Variants in BIRC6 observed in about 807,000 individuals in gnomAD.
The protein encoded by BIRC6 is dual E2 ubiquitin-conjugating enzyme/E3 ubiquitin-protein ligase BIRC6.
In BIRC6, 98 loss-of-function variants were observed where a neutral mutation model predicts 503.3. The observed-to-expected ratio is 0.19, with a 90% confidence interval of 0.17 to 0.23. The LOEUF is 0.23. Ranked by LOEUF, BIRC6 falls within the 10% of genes least tolerant of loss-of-function variation. The pLI is 1.00. For synonymous variants in BIRC6, 2,240 were observed against 2,078.7 expected, an observed-to-expected ratio of 1.08 and a Z score of -2.11; for missense variants, 5,360 against 5,806.0, an observed-to-expected ratio of 0.92 and a Z score of 2.50.
intron 65 of BIRC6, 97 bp from the exon 66 acceptor site, chr2:32,575,059 G>A (rs2060172453): frequency 1.5e-6 from 2 of 1,330,310 alleles, no homozygotes; most frequent in Non-Finnish European, 2.1e-6. Context: ...GGTCAGCTGT[G>A]GACCTTGGTA....
intron 65 of BIRC6, chr2:32,564,444 A>G (rs1228162406): frequency 2.0e-5 from 3 of 152,120 alleles, no homozygotes; most frequent in African/African-American, 4.8e-5. Flanking sequence ...ACAAATATCT[A>G]TTGGTGTTTC....
chr2:32,497,093 C>T (rs1261866412), intron 45 of BIRC6, among the ~76,000 whole-genome samples: 1 of 152,154 alleles, frequency 6.6e-6, no homozygotes, highest in Non-Finnish European at 1.5e-5. Flanking sequence ...TTATGAATGT[C>T]TCTGGATTTT....
chr2:32,435,329 C>A, intron 13 of BIRC6, 167 bp from the exon 14 acceptor site: 1 of 310,010 alleles, frequency 3.2e-6, no homozygotes, highest in Non-Finnish European at 4.7e-6. Context: ...TTCCTCCAAT[C>A]ATTTTATAGC....
intron 65 of BIRC6, chr2:32,574,746 G>A: frequency 3.8e-6 from 1 of 265,996 alleles, no homozygotes; most frequent in Non-Finnish European, 7.3e-6. Context: ...TGTTGTTCAA[G>A]GGTCAGCTGT....
intron 64 of BIRC6, 104 bp downstream of exon 64, chr2:32,548,118 C>A: frequency 9.6e-7 from 1 of 1,036,984 alleles, no homozygotes; most frequent in Non-Finnish European, 1.3e-6. Context: ...TATGTTTATG[C>A]CCACTTGTGG....
chr2:32,540,661 C>T (rs1205144350), intron 61 of BIRC6, among the ~76,000 whole-genome samples: 2 of 151,956 alleles, frequency 1.3e-5, no homozygotes, highest in African/African-American at 4.8e-5. Context: ...ATACTTGTGA[C>T]ATTTATGTAA....
intron 46 of BIRC6, 135 bp from the exon 47 acceptor site, chr2:32,501,578 C>G: frequency 1.7e-6 from 1 of 596,034 alleles, no homozygotes; most frequent in East Asian, 2.9e-5. Context: ...ACCATGTTGG[C>G]CAGGCTGGTT....
Position 32,468,444 on chromosome 2 carries a change from T to C in BIRC6, c.5788T>C (p.Leu1930=). The C allele has an allele frequency of 3.2e-6, 5 of 1,574,148 alleles. No individual in the cohort carries two copies. The highest frequency in any genetic ancestry group is 4.3e-6 in the Non-Finnish European group (5 of 1,160,424). The change falls in exon 29 of 74, where the codon TTG becomes CTG. Residue 1930 remains leucine, a synonymous_variant. Coordinates refer to ENST00000421745, the MANE Select transcript of BIRC6 (RefSeq NM_016252.4). The part of the protein sequence containing the change: ...LQEDIQCRYN[L]ACHRLETLLQ... Reference sequence around the variant, plus strand: ...AATCTTTTTTTACTTTAGGTATAACTTGGCTTGTCATCGTCTGGAAACCCT... The same window carrying C: ...AATCTTTTTTTACTTTAGGTATAACCTGGCTTGTCATCGTCTGGAAACCCT...
intron 2 of BIRC6, among the ~76,000 whole-genome samples, chr2:32,379,878 A>G (rs1390614450): frequency 6.6e-6 from 1 of 151,656 alleles, no homozygotes; most frequent in Non-Finnish European, 1.5e-5. Context: ...CAGCTTGTCC[A>G]TTTTTCTATC....
chr2:32,511,349 G>T (rs1356906590), intron 53 of BIRC6, among the ~76,000 whole-genome samples: 2 of 150,886 alleles, frequency 1.3e-5, no homozygotes, highest in African/African-American at 4.9e-5. Context: ...TTGCTCTGTT[G>T]CCCAGGCTGG....
Position 32,601,420 on chromosome 2 carries a change from A to T in BIRC6, c.13992+1520A>T, listed in dbSNP as rs534024827. ...AACATGGAGAAACCCCGTCTCTACT[A>T]AAAATACAAAATTAGCTGGGCGTGG... On this transcript the variant is annotated intron_variant, in intron 70 of 73. Transcript: ENST00000421745. 2.0e-5 allele frequency among the ~76,000 whole-genome samples: 3 copies of T among 152,276 alleles called. No individual in the cohort carries two copies. In the South Asian group the frequency reaches 6.2e-4, roughly 32 times the overall value.
chr2:32,598,211 C>T, intron 69 of BIRC6, among the ~76,000 whole-genome samples: 1 of 145,826 alleles, frequency 6.9e-6, no homozygotes, highest in African/African-American at 2.5e-5. Context: ...CTCACTGCAG[C>T]CTCCACAAAG....
intron 65 of BIRC6, among the ~76,000 whole-genome samples, chr2:32,561,229 AC>A (rs1203815854): frequency 2.0e-4 from 29 of 147,894 alleles, no homozygotes; most frequent in African/African-American, 6.7e-4. Flanking sequence ...CAAGTAACAT[AC>A]TTTTTTTTTT....
At chr2:32,363,160 G>T (rs796507497) in intron 1 of BIRC6, among the ~76,000 whole-genome samples, 2 of 151,918 alleles carry the variant, frequency 1.3e-5, no homozygotes, top group African/African-American at 2.4e-5. Context: ...GTGAGACCTT[G>T]TCTCTAGAAA....
intron 11 of BIRC6, 70 bp from the exon 12 acceptor site, chr2:32,430,795 T>C (rs913061830): frequency 3.6e-5 from 42 of 1,179,320 alleles, no homozygotes; most frequent in Non-Finnish European, 4.7e-5. Context: ...AAACTTCACT[T>C]CATTGTCTTC....
chr2:32,560,966 G>A (rs1287207121), intron 65 of BIRC6, among the ~76,000 whole-genome samples: 2 of 151,868 alleles, frequency 1.3e-5, no homozygotes, highest in South Asian at 2.1e-4. Flanking sequence ...TTGGGAGGCC[G>A]AGGCGGGTGG....
intron 23 of BIRC6, among the ~76,000 whole-genome samples, chr2:32,459,892 T>A (rs1265213880): frequency 6.6e-6 from 1 of 151,762 alleles, no homozygotes; most frequent in Admixed American, 6.6e-5. Context: ...ATAATTGATT[T>A]GTATATATTA....
At chr2:32,500,831 C>T (rs1348331811) in intron 46 of BIRC6, among the ~76,000 whole-genome samples, 1 of 151,872 alleles carries the variant, frequency 6.6e-6, no homozygotes, top group Admixed American at 6.6e-5. Context: ...TCTTGAACTC[C>T]TGACCTCAGG....
At chr2:32,593,471 A>G (rs1382154334) in intron 66 of BIRC6, among the ~76,000 whole-genome samples, 1 of 152,198 alleles carries the variant, frequency 6.6e-6, no homozygotes, top group South Asian at 2.1e-4. Flanking sequence ...CATTGTATTA[A>G]GACACCCAGT....
Sources: gnomAD v4.1 joint callset for allele counts (sites outside exome capture counted in the v4.1 genomes callset) on GRCh38, gnomAD v4.1.1 for gene constraint, MANE v1.5 for transcripts, NCBI Gene and HGNC (gene_info 2026-07-23, HGNC 2026-07-21) for gene names.